The following PIK3R6 variants were observed in gnomAD, a reference collection of about 807,000 sequenced individuals.
PIK3R6 encodes the protein phosphoinositide-3-kinase regulatory subunit 6.
PIK3R6 carries 91 observed loss-of-function variants against 84.9 expected under a neutral mutation model. The observed-to-expected ratio is 1.07, with a 90% confidence interval of 0.90 to 1.28. The LOEUF (loss-of-function observed/expected upper bound fraction) is 1.28. Among genes scored for constraint, PIK3R6 ranks in the 50% most tolerant of loss-of-function variants. The probability of loss-of-function intolerance (pLI) is 0.00; values close to 1 mark genes in which losing one functional copy is unlikely to be tolerated. For missense variants in PIK3R6, 996 were observed against 985.1 expected, an observed-to-expected ratio of 1.01 and a Z score of -0.15; for synonymous variants, 416 against 411.4, an observed-to-expected ratio of 1.01 and a Z score of -0.13.
intron 18 of PIK3R6, among the ~76,000 whole-genome samples, chr17:8,814,022 C>A (rs2087445285): frequency 6.6e-6 from 1 of 152,062 alleles, no homozygotes; most frequent in African/African-American, 2.4e-5. Context: ...TCATCCCTGG[C>A]CCCCTTTACT....
At chr17:8,843,808 G>C (rs2088751413) in intron 2 of PIK3R6, among the ~76,000 whole-genome samples, 1 of 152,086 alleles carries the variant, frequency 6.6e-6, no homozygotes, top group African/African-American at 2.4e-5. Context: ...CCTTAGATAG[G>C]CACAGCTTCT....
intron 1 of PIK3R6, among the ~76,000 whole-genome samples, chr17:8,861,381 G>A (rs955722207): frequency 2.0e-5 from 3 of 152,108 alleles, no homozygotes; most frequent in Non-Finnish European, 4.4e-5. Flanking sequence ...CCTAGCACCC[G>A]ATGCCCTATA....
chr17:8,835,452 A>T lies in PIK3R6; in HGVS notation c.466T>A (p.Phe156Ile), dbSNP rs1284947549. ...NELYPYQERV[F>I]LFVDPELVSA... ...ACCAGCTCAGGATCCACGAAGAGGA[A>T]CACTCTGAGGGCAGAAGCAGAGGGG... The change falls in exon 8 of 20, where the codon TTC becomes ATC. Residue 156 changes from phenylalanine to isoleucine, a missense_variant. Physicochemically the swap from Phe to Ile is conservative, Grantham distance 21. Transcript: ENST00000619866. 1.9e-6 allele frequency: 3 copies of T among 1,561,354 alleles called. No individual in the cohort carries two copies. Among genetic ancestry groups the T allele is most frequent in the Non-Finnish European group, 2.6e-6 (3 of 1,143,838 alleles).
chr17:8,805,609 G>A (rs2087181257), intron 18 of PIK3R6, among the ~76,000 whole-genome samples: 1 of 152,152 alleles, frequency 6.6e-6, no homozygotes, highest in Admixed American at 6.5e-5. Context: ...TTCTCCCCTG[G>A]TGCCAACAGA....
At chr17:8,857,397 G>A (rs1032080389) in intron 1 of PIK3R6, among the ~76,000 whole-genome samples, 1 of 152,150 alleles carries the variant, frequency 6.6e-6, no homozygotes, top group African/African-American at 2.4e-5. Flanking sequence ...TGGGGCGTGG[G>A]GTCATGGCCA....
chr17:8,838,440 A>G (rs994010981), intron 4 of PIK3R6, 124 bp downstream of exon 4: 13 of 735,892 alleles, frequency 1.8e-5, no homozygotes, highest in African/African-American at 1.4e-4. Flanking sequence ...GGAGATGCAT[A>G]TGGTAAAAAT....
At chr17:8,829,426 ACT>A (rs1491098855) in intron 10 of PIK3R6, among the ~76,000 whole-genome samples, 3 of 150,666 alleles carry the variant, frequency 2.0e-5, no homozygotes, top group Non-Finnish European at 4.4e-5. Flanking sequence ...ACACTGACAC[ACT>A]CATGGATACA....
At chr17:8,837,298 C>G (rs2088509042) in intron 5 of PIK3R6, among the ~76,000 whole-genome samples, 1 of 152,116 alleles carries the variant, frequency 6.6e-6, no homozygotes, top group East Asian at 1.9e-4. Flanking sequence ...CTCCTTGCAT[C>G]CCACAGGCCT....
At chr17:8,825,166 A>C (rs1437102939) in intron 13 of PIK3R6, among the ~76,000 whole-genome samples, 1 of 152,198 alleles carries the variant, frequency 6.6e-6, no homozygotes, top group African/African-American at 2.4e-5. Flanking sequence ...CGCAAACTTT[A>C]CACTTATACT....
At chr17:8,804,006 C>T in intron 19 of PIK3R6, 35 bp downstream of exon 19, 1 of 1,562,590 alleles carries the variant, frequency 6.4e-7, no homozygotes, top group South Asian at 1.1e-5. Context: ...GTCCCACGGG[C>T]CCTGGACATC....
Position 8,836,586 on chromosome 17 carries a change from T to C in PIK3R6, c.422A>G (p.Glu141Gly), listed in dbSNP as rs762455118. ...ATACAGCTCATTCGTCAAGTTCTGTTCGGCAATGACCATCCTTTGGTACAG... is the reference window on the plus strand; with the variant it reads ...ATACAGCTCATTCGTCAAGTTCTGTCCGGCAATGACCATCCTTTGGTACAG... ...GTLYQRMVIA[E>G]QNLTNELYPY... Residue 141 changes from glutamate to glycine, a missense_variant, in exon 7 of 20, where the codon GAA becomes GGA. Transcript: ENST00000619866. 33 of 1,613,836 alleles carry C rather than the reference T, an allele frequency of 2.0e-5. No homozygotes were observed. Among genetic ancestry groups the C allele is most frequent in the Non-Finnish European group, 2.7e-5 (32 of 1,179,884 alleles).
At chr17:8,804,589 T>C (rs577241914) in intron 18 of PIK3R6, among the ~76,000 whole-genome samples, 1 of 152,300 alleles carries the variant, frequency 6.6e-6, no homozygotes, top group East Asian at 1.9e-4. Flanking sequence ...ATTATTTACC[T>C]GCTGCAGACA....
intron 9 of PIK3R6, 23 bp downstream of exon 9, chr17:8,832,866 C>T (rs767756888): frequency 1.9e-6 from 3 of 1,611,984 alleles, no homozygotes; most frequent in Non-Finnish European, 2.5e-6. Context: ...CTTGCCAAGG[C>T]CCCCCATCTG....
intron 16 of PIK3R6, among the ~76,000 whole-genome samples, chr17:8,822,222 T>G (rs57986328): frequency 0.018 from 2,692 of 152,142 alleles, 77 homozygotes; most frequent in African/African-American, 0.062. Context: ...GTCCCATAAG[T>G]GCTAGCAGAT....
At chr17:8,835,239 G>A in intron 8 of PIK3R6, 34 bp downstream of exon 8, 1 of 1,477,192 alleles carries the variant, frequency 6.8e-7, no homozygotes, top group Non-Finnish European at 9.1e-7. Flanking sequence ...GACGAGGGCT[G>A]GGACTGACAA....
intron 17 of PIK3R6, among the ~76,000 whole-genome samples, chr17:8,819,839 C>CAT (rs202121351): frequency 6.9e-6 from 1 of 145,480 alleles, no homozygotes; most frequent in East Asian, 2.0e-4. Flanking sequence ...TATACACACA[C>CAT]ATATATATGT....
At chr17:8,806,909 T>A (rs534859689) in intron 18 of PIK3R6, among the ~76,000 whole-genome samples, 2 of 152,304 alleles carry the variant, frequency 1.3e-5, no homozygotes, top group African/African-American at 4.8e-5. Flanking sequence ...ACAAAACATG[T>A]ATGTGGACCT....
intron 10 of PIK3R6, among the ~76,000 whole-genome samples, chr17:8,829,383 C>G (rs1012159481): frequency 1.3e-5 from 2 of 150,114 alleles, no homozygotes; most frequent in African/African-American, 5.0e-5. Flanking sequence ...GATACACACA[C>G]TGACACACAC....
chr17:8,867,665 T>C lies in PIK3R6; in HGVS notation c.-228A>G. 1 of 441,778 alleles carries C rather than the reference T, an allele frequency of 2.3e-6. No homozygotes were observed. The highest frequency in any genetic ancestry group is 4.6e-6 in the Non-Finnish European group (1 of 217,620). 27.4% of individuals were successfully genotyped at this position (441,778 alleles called of 1,614,324 possible). A position where few individuals can be genotyped will look rare whatever the true frequency, so the allele number is the denominator to read the frequency against. ...GTGTCTGTGGTCTTGACTGTGCTCT[T>C]CAGATCTGCAAAGAAAAGCTCGATG... On this transcript the variant is annotated 5_prime_UTR_variant, in exon 1 of 20. Transcript: ENST00000619866.
Sources: gnomAD v4.1 joint callset for allele counts (sites outside exome capture counted in the v4.1 genomes callset) on GRCh38, gnomAD v4.1.1 for gene constraint, MANE v1.5 for transcripts, NCBI Gene and HGNC (gene_info 2026-07-23, HGNC 2026-07-21) for gene names.